Variants in ZNF385B observed in about 807,000 individuals in gnomAD.
ZNF385B encodes the protein zinc finger protein 533.
Under a neutral mutation model 39.2 loss-of-function variants are expected in ZNF385B, and 23 were observed. The observed-to-expected ratio is 0.59, with a 90% CI of 0.42 to 0.83. The LOEUF is 0.83. Ranked by LOEUF, ZNF385B falls within the 40% of genes least tolerant of loss-of-function variation. ZNF385B has a pLI of 0.00. For synonymous variants in ZNF385B, 205 were observed against 222.6 expected, an observed-to-expected ratio of 0.92 and a Z score of 0.70; for missense variants, 552 against 598.9, an observed-to-expected ratio of 0.92 and a Z score of 0.82.
intron 3 of ZNF385B, among the ~76,000 whole-genome samples, chr2:179,575,384 T>A (rs1333150955): frequency 6.6e-6 from 1 of 152,212 alleles, no homozygotes; most frequent in African/African-American, 2.4e-5. Context: ...ATGATCTGAT[T>A]ACAAATTAAA....
chr2:179,796,157 G>A (rs1381276695), intron 1 of ZNF385B: 1 of 152,176 alleles, frequency 6.6e-6, no homozygotes, highest in Non-Finnish European at 1.5e-5. Flanking sequence ...CTTTACAAGA[G>A]AGGATCACTT....
At chr2:179,790,910 C>T (rs940680191) in intron 1 of ZNF385B, among the ~76,000 whole-genome samples, 11 of 152,086 alleles carry the variant, frequency 7.2e-5, no homozygotes, top group Non-Finnish European at 1.2e-4. Context: ...TATAATGTCC[C>T]CCTATTTATG....
At chr2:179,763,719 T>C (rs189622356) in intron 3 of ZNF385B, among the ~76,000 whole-genome samples, 1 of 152,364 alleles carries the variant, frequency 6.6e-6, no homozygotes, top group East Asian at 1.9e-4. Context: ...TAGTTTTTCC[T>C]TTGAGACTTC....
At chr2:179,468,043 T>C (rs145421198) in intron 6 of ZNF385B, among the ~76,000 whole-genome samples, 14 of 152,298 alleles carry the variant, frequency 9.2e-5, no homozygotes, top group Admixed American at 1.3e-4. Context: ...TGTGGTTCAA[T>C]AGAAAGTCAG....
chr2:179,859,961 G>A (rs893100853), intron 1 of ZNF385B, among the ~76,000 whole-genome samples: 2 of 152,146 alleles, frequency 1.3e-5, no homozygotes, highest in East Asian at 3.9e-4. Context: ...GTAGCTTATT[G>A]ACTTTATGAA....
At chr2:179,578,752 C>T (rs558552101) in intron 3 of ZNF385B, among the ~76,000 whole-genome samples, 1 of 152,068 alleles carries the variant, frequency 6.6e-6, no homozygotes, top group Non-Finnish European at 1.5e-5. Context: ...TGGCCCTTCA[C>T]TGTTTGTTCA....
chr2:179,822,537 G>A (rs1707460663), intron 1 of ZNF385B, among the ~76,000 whole-genome samples: 1 of 152,146 alleles, frequency 6.6e-6, no homozygotes, highest in Non-Finnish European at 1.5e-5. Flanking sequence ...TGCACTCACC[G>A]AAAGTGCCAC....
At chr2:179,529,955 T>A (rs6722142) in intron 4 of ZNF385B, among the ~76,000 whole-genome samples, 1,977 of 152,190 alleles carry the variant, frequency 0.013, 43 homozygotes, top group African/African-American at 0.045. Context: ...CTCCTTCGGG[T>A]GAAATGAAAT....
chr2:179,830,993 AC>A (rs1707953778), intron 1 of ZNF385B, among the ~76,000 whole-genome samples: 1 of 152,198 alleles, frequency 6.6e-6, no homozygotes, highest in African/African-American at 2.4e-5. Context: ...TTTCTGCTCA[AC>A]TTTTCTGTAA....
intron 4 of ZNF385B, among the ~76,000 whole-genome samples, chr2:179,544,305 T>C (rs1346384527): frequency 2.6e-5 from 4 of 152,242 alleles, no homozygotes; most frequent in Non-Finnish European, 5.9e-5. Flanking sequence ...AGATTTAAAA[T>C]GAGTGTTTTT....
intron 3 of ZNF385B, among the ~76,000 whole-genome samples, chr2:179,668,109 C>T (rs1695412252): frequency 6.6e-6 from 1 of 152,148 alleles, no homozygotes; most frequent in Admixed American, 6.5e-5. Flanking sequence ...TCATCCTATC[C>T]ATAAGTCAAT....
chr2:179,710,746 G>A (rs1699940953), intron 3 of ZNF385B, among the ~76,000 whole-genome samples: 1 of 152,104 alleles, frequency 6.6e-6, no homozygotes, highest in Non-Finnish European at 1.5e-5. Context: ...GGTGTGGTGT[G>A]CAGCAAACCT....
rs1334183319 is a variant in ZNF385B at position 179,544,845 on chromosome 2, G to C, written c.423C>G (p.Leu141=). The change falls in exon 4 of 10, where the codon CTC becomes CTG. Residue 141 remains leucine, a synonymous_variant. Transcript: ENST00000410066. ...TACTCACTGTGTTAAAATTTGGAAA[G>C]AGCCCAACAGCAGAACTACTGTCCA... ...FPVDSSSAVG[L]FPNFNTMDPV... 4 of 1,614,068 alleles carry C rather than the reference G, an allele frequency of 2.5e-6. No individual in the cohort carries two copies. The highest frequency in any genetic ancestry group is 1.7e-5 in the Admixed American group (1 of 60,008).
intron 3 of ZNF385B, chr2:179,583,960 TACATTCATATTTACCGA>T (rs1686814931): frequency 7.7e-7 from 1 of 1,303,672 alleles, no homozygotes; most frequent in Admixed American, 2.3e-5. Context: ...ACTCAGTTCA[TACATTCATATTTACCGA>T]GCATCTGCCA....
chr2:179,679,943 G>A (rs1697368308), intron 3 of ZNF385B, among the ~76,000 whole-genome samples: 1 of 152,062 alleles, frequency 6.6e-6, no homozygotes, highest in Non-Finnish European at 1.5e-5. Flanking sequence ...GTGACTGTAC[G>A]TTAGTTTTGA....
At chr2:179,513,447 C>T (rs2057837804) in intron 5 of ZNF385B, among the ~76,000 whole-genome samples, 1 of 152,174 alleles carries the variant, frequency 6.6e-6, no homozygotes, top group Non-Finnish European at 1.5e-5. Flanking sequence ...TGGTCATATG[C>T]TTATGTGTGC....
At chr2:179,860,488 T>G (rs1489457033) in intron 1 of ZNF385B, among the ~76,000 whole-genome samples, 1 of 151,950 alleles carries the variant, frequency 6.6e-6, no homozygotes, top group African/African-American at 2.4e-5. Flanking sequence ...CACAGTGTCC[T>G]CCCACCCTTC....
At chr2:179,580,068 T>C (rs1167071701) in intron 3 of ZNF385B, among the ~76,000 whole-genome samples, 1 of 152,160 alleles carries the variant, frequency 6.6e-6, no homozygotes, top group African/African-American at 2.4e-5. Context: ...CCTAAGACCT[T>C]AGAGAAATAT....
intron 3 of ZNF385B, among the ~76,000 whole-genome samples, chr2:179,593,552 T>A (rs1418823857): frequency 6.6e-6 from 1 of 152,180 alleles, no homozygotes; most frequent in Non-Finnish European, 1.5e-5. Flanking sequence ...GAACAATTAC[T>A]TAAATGCTTT....
Sources: allele counts gnomAD v4.1 joint callset (sites outside exome capture counted in the v4.1 genomes callset), GRCh38; gene constraint gnomAD v4.1.1; transcripts MANE v1.5; gene names NCBI Gene and HGNC (gene_info 2026-07-23, HGNC 2026-07-21).